LRRFIP1: variants seen among roughly 807,000 people sequenced by gnomAD.
The protein encoded by LRRFIP1 is LRR binding FLII interacting protein 1, also known as leucine-rich repeat flightless-interacting protein 1.
Under a neutral mutation model 104.4 loss-of-function variants are expected in LRRFIP1, and 62 were observed. The ratio of observed to expected loss-of-function variants is 0.59; its 90% CI spans 0.48 to 0.73. LRRFIP1 has a LOEUF of 0.73. Ranked by LOEUF, LRRFIP1 falls within the 30% of genes least tolerant of loss-of-function variation. LRRFIP1 has a pLI of 0.00. For missense variants in LRRFIP1, 796 were observed against 824.5 expected, an observed-to-expected ratio of 0.97 and a Z score of 0.42; for synonymous variants, 300 against 299.0, an observed-to-expected ratio of 1.00 and a Z score of -0.03.
Position 237,774,394 on chromosome 2 carries a change from T to A in LRRFIP1, c.1744T>A (p.Ser582Thr). ...RLESQVSRYK[S>T]AAENAEKIED... ...AGAGAGTCAAGTATCACGTTACAAA[T>A]CAGCGGCTGAAAATGCAGAAAAAAT... The change falls in exon 23 of 24, where the codon TCA becomes ACA. Residue 582 changes from serine to threonine, a missense_variant. Transcript: ENST00000308482. 2 of 1,613,782 alleles carry A rather than the reference T, an allele frequency of 1.2e-6. No homozygotes were observed. Among genetic ancestry groups the A allele is most frequent in the Non-Finnish European group, 1.7e-6 (2 of 1,179,746 alleles).
At chr2:237,769,740 C>A (rs1576411683) in intron 19 of LRRFIP1, 1 of 557,084 alleles carries the variant, frequency 1.8e-6, no homozygotes, top group East Asian at 2.9e-5. Flanking sequence ...TGACGTGAAG[C>A]ATGTTCTGGG....
chr2:237,767,109 G>A (rs959550659), intron 19 of LRRFIP1, among the ~76,000 whole-genome samples: 20 of 152,136 alleles, frequency 1.3e-4, no homozygotes, highest in Admixed American at 3.9e-4. Flanking sequence ...CTGGGAGGTC[G>A]AGGCTGCAGT....
At chr2:237,752,599 G>T (rs2058757175) in intron 14 of LRRFIP1, among the ~76,000 whole-genome samples, 1 of 139,724 alleles carries the variant, frequency 7.2e-6, no homozygotes, top group Non-Finnish European at 1.6e-5. Flanking sequence ...CGCCCTGAAG[G>T]TTCTGCCTCT....
Position 237,691,748 on chromosome 2 carries a change from G to A in LRRFIP1, c.97-16796G>A, listed in dbSNP as rs1012347328. Among the ~76,000 whole-genome samples, 7 of 152,064 alleles carry A rather than the reference G, an allele frequency of 4.6e-5. No homozygotes were observed. Among genetic ancestry groups the A allele is most frequent in the African/African-American group, 1.4e-4 (6 of 41,506 alleles). On this transcript the variant is annotated intron_variant, in intron 1 of 23. Coordinates refer to ENST00000308482, the MANE Select transcript of LRRFIP1 (RefSeq NM_001137550.2). The surrounding 1 kb of genome is among the most constrained non-coding windows in gnomAD (Gnocchi z 5.4). ...CCTACTGGGCGCGGCATCCTCCCCG[G>A]AGCGCCCGCTTCCCACGGCCCCTGC... is the stretch of plus-strand genomic sequence containing the variant.
At chr2:237,667,596 G>A (rs1811648) in intron 1 of LRRFIP1, among the ~76,000 whole-genome samples, 125,239 of 152,146 alleles carry the variant, frequency 0.82, 52,097 homozygotes, top group Middle Eastern at 0.92. Context: ...TGGGTCAAAC[G>A]GTATTTCTGG....
rs2060255484 is a variant in LRRFIP1, at chr2:237,766,377, C to CT, written c.1460-3565dup. Among the ~76,000 whole-genome samples, 2 of 152,150 alleles carry CT rather than the reference C, an allele frequency of 1.3e-5. No homozygotes were observed. The highest frequency in any genetic ancestry group is 6.5e-5 in the Admixed American group (1 of 15,278). On this transcript the variant is annotated intron_variant, in intron 19 of 23. Coordinates refer to ENST00000308482, the MANE Select transcript of LRRFIP1 (RefSeq NM_001137550.2). The surrounding 1 kb of genome is among the most constrained non-coding windows in gnomAD (Gnocchi z 4.8). ...CTTCACAGGGTTTTAGTTTATGTCT[C>CT]TAACTTTAGCAAAGCTGCATTCCTA...
intron 19 of LRRFIP1, chr2:237,764,326 CA>C: frequency 1.3e-6 from 2 of 1,499,712 alleles, no homozygotes; most frequent in Non-Finnish European, 1.8e-6. Context: ...TTGAGGTTAT[CA>C]CCCAGATTAG....
Position 237,717,876 on chromosome 2 carries a change from A to G in LRRFIP1, c.249+67A>G. On this transcript the variant is annotated intron_variant, in intron 4 of 23. Coordinates refer to ENST00000308482, the MANE Select transcript of LRRFIP1 (RefSeq NM_001137550.2). This position sits in a 1 kb window ranked among gnomAD's most constrained non-coding sequence, Gnocchi z 4.2. ...ACTTGAATACAGTGTTGAGACTTAA[A>G]TGGTTTATAATGTAATTCTTACGCA... 1 of 1,144,704 alleles carries G rather than the reference A, an allele frequency of 8.7e-7. No individual in the cohort carries two copies. Among genetic ancestry groups the G allele is most frequent in the Non-Finnish European group, 1.3e-6 (1 of 751,428 alleles). The allele number at this position is 1,144,704 out of a possible 1,614,324, so 70.9% of individuals were successfully genotyped here.
chr2:237,765,031 G>T, intron 19 of LRRFIP1: 4 of 919,938 alleles, frequency 4.3e-6, no homozygotes, highest in Non-Finnish European at 5.2e-6. Context: ...GGAGGCCAAG[G>T]CAGGTGGATC....
chr2:237,627,623 G>T lies in LRRFIP1; in HGVS notation c.-22G>T. On this transcript the variant is annotated 5_prime_UTR_variant, in exon 1 of 24. Coordinates refer to ENST00000308482, the MANE Select transcript of LRRFIP1 (RefSeq NM_001137550.2). ...AGCGGCTGGAGCAACGGGCCCCGCG[G>T]CAGCTGCGGGCGACGCGGTCGATGG... 7.8e-7 allele frequency: 1 copy of T among 1,277,790 alleles called. No homozygotes were observed. 79.2% of individuals were successfully genotyped at this position (1,277,790 alleles called of 1,614,324 possible).
At chr2:237,666,091 A>G (rs941193084) in intron 1 of LRRFIP1, among the ~76,000 whole-genome samples, 9 of 152,196 alleles carry the variant, frequency 5.9e-5, no homozygotes, top group Admixed American at 4.6e-4. Context: ...CAAGCAGGTT[A>G]TTTGGCCTTT....
Position 237,735,300 on chromosome 2 carries a change from G to C in LRRFIP1, c.522G>C (p.Gly174=). ...ASVLDEGSFG[G]TRRGSTSGSR... ...TGTTGGATGAAGGCAGCTTCGGTGG[G>C]ACCCGACGGGGCAGCACCTCCGGCT... The change falls in exon 10 of 24, where the codon GGG becomes GGC. Residue 174 remains glycine, a synonymous_variant. Transcript: ENST00000308482. This position sits in a 1 kb window ranked among gnomAD's most constrained non-coding sequence, Gnocchi z 4.6. 6.2e-7 allele frequency: 1 copy of C among 1,613,334 alleles called. No individual in the cohort carries two copies.
At position 237,627,683 on chromosome 2, in the gene LRRFIP1, C is replaced by T; in HGVS notation, c.39C>T (p.Leu13=). Residue 13 remains leucine (L), a synonymous_variant, in exon 1 of 24, where the codon CTC becomes CTT. Coordinates refer to ENST00000308482, the MANE Select transcript of LRRFIP1 (RefSeq NM_001137550.2). ...CCCAGGGATCGGGGCGCAAGCGGCTCCCCAACCGGGAGCGGCTCACGGCGG... is the reference window on the plus strand; with the variant it reads ...CCCAGGGATCGGGGCGCAAGCGGCTTCCCAACCGGGAGCGGCTCACGGCGG... ...MGTQGSGRKR[L]PNRERLTAED... 2.2e-6 allele frequency: 3 copies of T among 1,371,908 alleles called. No homozygotes were observed. The highest frequency in any genetic ancestry group is 2.9e-6 in the Non-Finnish European group (3 of 1,050,564). The allele number at this position is 1,371,908 out of a possible 1,614,324, so 85.0% of individuals were successfully genotyped here.
chr2:237,675,885 A>G (rs2091091493), intron 1 of LRRFIP1, among the ~76,000 whole-genome samples: 1 of 152,172 alleles, frequency 6.6e-6, no homozygotes, highest in Non-Finnish European at 1.5e-5. Context: ...CTTAAACACT[A>G]TTTTTATAGC....
At chr2:237,715,772 A>C (rs767217072) in intron 3 of LRRFIP1, among the ~76,000 whole-genome samples, 9 of 152,216 alleles carry the variant, frequency 5.9e-5, no homozygotes, top group Non-Finnish European at 1.2e-4. Context: ...TTCCCTCCGC[A>C]TGGCTTCCGG....
intron 23 of LRRFIP1, among the ~76,000 whole-genome samples, chr2:237,776,390 G>A (rs6735617): frequency 6.6e-6 from 1 of 152,158 alleles, no homozygotes; most frequent in Non-Finnish European, 1.5e-5. Context: ...CTCCAATGTG[G>A]TTAAGAAGAA....
chr2:237,673,889 G>A (rs1243830366), intron 1 of LRRFIP1, among the ~76,000 whole-genome samples: 1 of 151,042 alleles, frequency 6.6e-6, no homozygotes, highest in Non-Finnish European at 1.5e-5. Flanking sequence ...GTGAGTGGTG[G>A]GCGTTTCCTG....
At chr2:237,685,618 A>G (rs183457834) in intron 1 of LRRFIP1, among the ~76,000 whole-genome samples, 1 of 152,180 alleles carries the variant, frequency 6.6e-6, no homozygotes, top group Admixed American at 6.5e-5. Context: ...GGAGCTCACA[A>G]TCGGATCAAA....
At chr2:237,686,548 G>A (rs1430389815) in intron 1 of LRRFIP1, among the ~76,000 whole-genome samples, 1 of 152,200 alleles carries the variant, frequency 6.6e-6, no homozygotes, top group African/African-American at 2.4e-5. Flanking sequence ...CAAGCAGTGA[G>A]AACATGCTTT....
Sources: allele counts gnomAD v4.1 joint callset (sites outside exome capture counted in the v4.1 genomes callset), GRCh38; gene constraint gnomAD v4.1.1; non-coding constraint Gnocchi (gnomAD v3.1); transcripts MANE v1.5; gene names NCBI Gene and HGNC (gene_info 2026-07-23, HGNC 2026-07-21).